The following TBC1D22A variants were observed in gnomAD, a reference collection of about 807,000 sequenced individuals.
TBC1D22A encodes TBC1 domain family member 22A.
TBC1D22A carries 38 observed loss-of-function variants against 60.2 expected under a neutral mutation model. The observed-to-expected ratio is 0.63, with a 90% CI of 0.49 to 0.83. The LOEUF is 0.83. Among genes scored for constraint, TBC1D22A ranks in the 40% least tolerant of loss-of-function variants. The pLI is 0.00. For missense variants in TBC1D22A, 628 were observed against 701.0 expected (o/e 0.90, Z 1.18); for synonymous variants, 302 against 281.7 (o/e 1.07, Z -0.72).
In TBC1D22A at chr22:46,772,136, T is replaced by C. The variant is rs531885843; in HGVS notation, c.62+9288T>C. Reference sequence around the variant, plus strand: ...ATGTATACACACATATACATATATATGTATACACACATATACATATATATG... The same window carrying C: ...ATGTATACACACATATACATATATACGTATACACACATATACATATATATG... On this transcript the variant is annotated intron_variant, in intron 1 of 12. Transcript: ENST00000337137. 1.7e-3 allele frequency among the ~76,000 whole-genome samples: 81 copies of C among 48,362 alleles called. 2 individuals carry two copies. Among genetic ancestry groups the C allele is most frequent in the African/African-American group, 5.8e-3 (75 of 12,992 alleles). 31.7% of individuals were successfully genotyped at this position (48,362 alleles called of 152,430 possible).
rs552283533 is a variant in TBC1D22A, at chr22:47,148,025, C to T, written c.1426-25473C>T. Among the ~76,000 whole-genome samples the T allele has an allele frequency of 2.0e-5, 3 of 152,332 alleles. No homozygotes were observed. The South Asian group carries it at 6.2e-4, about 32-fold the overall frequency. ...CTAGGACAGTGCCAGGGAAGAGACTCTCACAGGCCCTTGATCCCAGAGGTG... is the reference window on the plus strand; with the variant it reads ...CTAGGACAGTGCCAGGGAAGAGACTTTCACAGGCCCTTGATCCCAGAGGTG... On this transcript the variant is annotated intron_variant, in intron 12 of 12. Transcript: ENST00000337137.
intron 11 of TBC1D22A, among the ~76,000 whole-genome samples, chr22:47,093,313 C>G (rs1198465943): frequency 6.6e-6 from 1 of 152,166 alleles, no homozygotes; most frequent in Non-Finnish European, 1.5e-5. Context: ...GACCTTGGAT[C>G]TCTCCTCAGG....
intron 8 of TBC1D22A, among the ~76,000 whole-genome samples, chr22:46,944,085 A>G (rs993595108): frequency 6.6e-6 from 1 of 152,168 alleles, no homozygotes; most frequent in African/African-American, 2.4e-5. Context: ...GCTGGTTCAT[A>G]TGGGAATTTT....
intron 11 of TBC1D22A, among the ~76,000 whole-genome samples, chr22:47,096,762 C>A (rs1296830489): frequency 2.6e-5 from 4 of 152,114 alleles, no homozygotes; most frequent in Non-Finnish European, 5.9e-5. Context: ...GTGGAGGTTG[C>A]AGTGAGCCGA....
At position 46,881,353 on chromosome 22, in the gene TBC1D22A, G is replaced by A. The variant is rs555008175; in HGVS notation, c.708+2630G>A. ...GGGAAGAAGACCAAGTCGTCCCCCT[G>A]GGGCCTGCAGAACAGATAGTAGAAG... On this transcript the variant is annotated intron_variant, in intron 5 of 12. Transcript: ENST00000337137. Among the ~76,000 whole-genome samples the A allele has an allele frequency of 4.6e-5, 7 of 152,284 alleles. No homozygotes were observed. In the South Asian group the frequency reaches 1.2e-3, roughly 27 times the overall value.
chr22:47,129,858 C>T (rs2066621401), intron 12 of TBC1D22A, among the ~76,000 whole-genome samples: 1 of 152,240 alleles, frequency 6.6e-6, no homozygotes, highest in Admixed American at 6.5e-5. Context: ...GTTGCTGTGT[C>T]TACTGTTTTC....
At chr22:47,074,487 G>C (rs1360567036) in intron 11 of TBC1D22A, among the ~76,000 whole-genome samples, 5 of 152,242 alleles carry the variant, frequency 3.3e-5, no homozygotes, top group African/African-American at 1.2e-4. Context: ...TTTCTCTGGA[G>C]AGAAATAGGC....
In TBC1D22A at chr22:46,809,583, A is replaced by G. The variant is rs73891003; in HGVS notation, c.637+11963A>G. Among the ~76,000 whole-genome samples the G allele has an allele frequency of 1.6e-3, 248 of 151,852 alleles. 1 individual carries two copies. Among genetic ancestry groups the G allele is most frequent in the African/African-American group, 5.8e-3 (239 of 41,424 alleles). Reference sequence around the variant, plus strand: ...ATCCCCTGCCACCCTGACCCTTAGCATCTCGGGGGTCAGGGCAGTATGGGA... The same window carrying G: ...ATCCCCTGCCACCCTGACCCTTAGCGTCTCGGGGGTCAGGGCAGTATGGGA... On this transcript the variant is annotated intron_variant, in intron 4 of 12. Transcript: ENST00000337137.
chr22:46,861,130 T>C (rs1263143603), intron 4 of TBC1D22A, among the ~76,000 whole-genome samples: 1 of 152,096 alleles, frequency 6.6e-6, no homozygotes, highest in Non-Finnish European at 1.5e-5. Flanking sequence ...GTTAATTTTT[T>C]ATTTTTTTGT....
chr22:47,096,800 T>A lies in TBC1D22A; in HGVS notation c.1330-14708T>A, dbSNP rs1462804953. On this transcript the variant is annotated intron_variant, in intron 11 of 12. Coordinates refer to ENST00000337137, the MANE Select transcript of TBC1D22A (RefSeq NM_014346.5). ...TTGTGCCACAGCACTCCAGCCTGGG[T>A]GGCAGAGCGAGACTCTGTCTCAAAA... Among the ~76,000 whole-genome samples the A allele has an allele frequency of 2.6e-5, 4 of 152,160 alleles. No individual in the cohort carries two copies. The South Asian group carries it at 8.3e-4, about 32-fold the overall frequency.
chr22:47,037,227 G>C lies in TBC1D22A; in HGVS notation c.1329+29G>C, dbSNP rs762846473. 3.7e-6 allele frequency: 6 copies of C among 1,609,768 alleles called. No homozygotes were observed. In the Admixed American group the frequency reaches 1.0e-4, roughly 27 times the overall value. On this transcript the variant is annotated intron_variant, in intron 11 of 12. Transcript: ENST00000337137. ...AGCTCTCCTTCGCACCCTCCGCCAT[G>C]GGGGTGCCAGGAGCCCGGGCCGTTT...
intron 8 of TBC1D22A, among the ~76,000 whole-genome samples, chr22:46,936,409 T>C (rs1255028406): frequency 2.0e-5 from 3 of 152,098 alleles, no homozygotes; most frequent in African/African-American, 7.2e-5. Flanking sequence ...CTGGGGAGCT[T>C]TCAGGATTCC....
At chr22:46,986,745 G>A (rs924332313) in intron 9 of TBC1D22A, among the ~76,000 whole-genome samples, 4 of 152,154 alleles carry the variant, frequency 2.6e-5, no homozygotes, top group East Asian at 1.9e-4. Flanking sequence ...TTTTGCAAGC[G>A]GACAGCTTTC....
At chr22:47,087,396 A>G (rs145327885) in intron 11 of TBC1D22A, among the ~76,000 whole-genome samples, 34 of 152,364 alleles carry the variant, frequency 2.2e-4, no homozygotes, top group African/African-American at 7.7e-4. Flanking sequence ...TCAGAAAGCT[A>G]TTCTTAAAAA....
rs1382537558 is a variant in TBC1D22A, at chr22:46,777,586, G to A, written c.62+14738G>A. ...GGAGGACTGAGGACTCGGCTTTGGG[G>A]AGCAGAGTTGGGAACACACAGAAGA... On this transcript the variant is annotated intron_variant, in intron 1 of 12. Coordinates refer to ENST00000337137, the MANE Select transcript of TBC1D22A (RefSeq NM_014346.5). The surrounding 1 kb of genome is among the most constrained non-coding windows in gnomAD (Gnocchi z 4.5). Among the ~76,000 whole-genome samples, 1 of 152,170 alleles carries A rather than the reference G, an allele frequency of 6.6e-6. No individual in the cohort carries two copies. The highest frequency in any genetic ancestry group is 1.5e-5 in the Non-Finnish European group (1 of 68,038).
intron 11 of TBC1D22A, among the ~76,000 whole-genome samples, chr22:47,097,133 C>T (rs6007603): frequency 0.017 from 1,106 of 65,562 alleles, 9 homozygotes; most frequent in African/African-American, 0.077. Context: ...TCTTTCTGTC[C>T]GGGGCCTAGG....
At chr22:46,878,017 A>AT (rs1401164816) in intron 4 of TBC1D22A, among the ~76,000 whole-genome samples, 1 of 151,752 alleles carries the variant, frequency 6.6e-6, no homozygotes, top group Non-Finnish European at 1.5e-5. Context: ...CCTACTCGTG[A>AT]TTTTTTTCTA....
chr22:47,039,704 G>GAAAAA lies in TBC1D22A; in HGVS notation c.1329+2525_1329+2529dup, dbSNP rs34793078. 2.5e-3 allele frequency among the ~76,000 whole-genome samples: 205 copies of GAAAAA among 81,440 alleles called. 1 individual carries two copies. Among genetic ancestry groups the GAAAAA allele is most frequent in the African/African-American group, 9.2e-3 (189 of 20,622 alleles). The allele number at this position is 81,440 out of a possible 152,430, so 53.4% of individuals were successfully genotyped here. The stretch of plus-strand genomic sequence containing the variant: ...TCCCTCATGGATGCGTGCATTTCAG[G>GAAAAA]AAAAAAAAAAAAAAAAAAAAAAAGA... On this transcript the variant is annotated intron_variant, in intron 11 of 12. Transcript: ENST00000337137.
chr22:47,158,128 G>A lies in TBC1D22A; in HGVS notation c.1426-15370G>A, dbSNP rs73889444. Among the ~76,000 whole-genome samples the A allele has an allele frequency of 8.0e-3, 1,220 of 152,324 alleles. 23 individuals carry two copies. Among genetic ancestry groups the A allele is most frequent in the African/African-American group, 0.028 (1,168 of 41,574 alleles). ...ACGCCGCAGCTCCAGGAGTCAGGCT[G>A]AGGCTCTGGCTCGTGTGGGTTCTGC... is the stretch of plus-strand genomic sequence containing the variant. On this transcript the variant is annotated intron_variant, in intron 12 of 12. Transcript: ENST00000337137.
Sources: allele counts gnomAD v4.1 joint callset (sites outside exome capture counted in the v4.1 genomes callset), GRCh38; gene constraint gnomAD v4.1.1; non-coding constraint Gnocchi (gnomAD v3.1); transcripts MANE v1.5; gene names NCBI Gene and HGNC (gene_info 2026-07-23, HGNC 2026-07-21).